The following WBP11 variants were observed in gnomAD, a reference collection of about 807,000 sequenced individuals.
WBP11 encodes the protein WW domain-binding protein 11.
A neutral mutation model predicts 66.7 loss-of-function variants in WBP11; 12 were observed. The observed-to-expected ratio is 0.18, with a 90% confidence interval of 0.12 to 0.29. WBP11 has a LOEUF of 0.29. Among genes scored for constraint, WBP11 ranks in the 10% least tolerant of loss-of-function variants. The probability of loss-of-function intolerance (pLI) is 1.00; values close to 1 mark genes in which losing one functional copy is unlikely to be tolerated. For synonymous variants in WBP11, 255 were observed against 273.8 expected (o/e 0.93, Z 0.68); for missense variants, 555 against 818.3 (o/e 0.68, Z 3.93).
chr12:14,801,822 G>A (rs868241063), intron 1 of WBP11: 59 of 114,390 alleles, frequency 5.2e-4, no homozygotes, highest in Middle Eastern at 8.3e-3. Context: ...ACATGTAATT[G>A]TAAAAGAAGA....
intron 8 of WBP11, 73 bp downstream of exon 8, chr12:14,793,654 GATTC>G: frequency 6.7e-7 from 1 of 1,490,012 alleles, no homozygotes; most frequent in Non-Finnish European, 9.1e-7. Context: ...TACTCTCACA[GATTC>G]ATTAATAAAT....
At chr12:14,799,967 C>G (rs1949939717) in intron 3 of WBP11, among the ~76,000 whole-genome samples, 1 of 152,150 alleles carries the variant, frequency 6.6e-6, no homozygotes, top group Admixed American at 6.5e-5. Context: ...AGATCTTTAG[C>G]AGTTACTTAA....
Position 14,793,729 on chromosome 12 carries a change from A to T in WBP11, c.913+2T>A. On this transcript the variant is annotated splice_donor_variant, in intron 8 of 11. Transcript: ENST00000261167. LOFTEE classifies it high-confidence loss of function. ...TACCATGAATCCTTCATCTGCACAT[A>T]CCTGACTTCTTTTCTTCATTGTTGT... 6.2e-7 allele frequency: 1 copy of T among 1,613,512 alleles called. No homozygotes were observed. Among genetic ancestry groups the T allele is most frequent in the Non-Finnish European group, 8.5e-7 (1 of 1,179,704 alleles).
Position 14,787,028 on chromosome 12 carries a change from T to C in WBP11, c.*37A>G, listed in dbSNP as rs374770833. 22 of 1,570,258 alleles carry C rather than the reference T, an allele frequency of 1.4e-5. No individual in the cohort carries two copies. Among genetic ancestry groups the C allele is most frequent in the Non-Finnish European group, 1.9e-5 (22 of 1,153,762 alleles). ...AAGAGCCTCTTTCTCCATGGGCCAC[T>C]GTTGTGAACAGAAGCCTTTTCTGGC... On this transcript the variant is annotated 3_prime_UTR_variant, in exon 12 of 12. Transcript: ENST00000261167.
intron 8 of WBP11, among the ~76,000 whole-genome samples, chr12:14,791,956 A>G (rs2137232336): frequency 6.6e-6 from 1 of 152,078 alleles, no homozygotes; most frequent in South Asian, 2.1e-4. Context: ...CCTAAGAATG[A>G]TACAATGGAC....
intron 10 of WBP11, among the ~76,000 whole-genome samples, chr12:14,789,418 A>G (rs1009372212): frequency 3.3e-5 from 5 of 151,620 alleles, no homozygotes; most frequent in African/African-American, 9.7e-5. Flanking sequence ...CCCCATCTCT[A>G]CTAAAAATAC....
At chr12:14,800,701 AG>A (rs1321018520) in intron 3 of WBP11, 50 bp downstream of exon 3, 1 of 1,485,650 alleles carries the variant, frequency 6.7e-7, no homozygotes, top group Non-Finnish European at 9.3e-7. Flanking sequence ...CCAAATCACA[AG>A]ATGTACCAAA....
chr12:14,791,198 G>C lies in WBP11; in HGVS notation c.986C>G (p.Pro329Arg). 1 of 1,614,116 alleles carries C rather than the reference G, an allele frequency of 6.2e-7. No homozygotes were observed. Among genetic ancestry groups the C allele is most frequent in the Non-Finnish European group, 8.5e-7 (1 of 1,180,012 alleles). ...CATACGAAGCATCATGGCTTGAAGA[G>C]GAGTCAGTTCCTTCATGTTCTTCTT... ...KKKKNMKELT[P>R]LQAMMLRMAG... The change falls in exon 9 of 12, where the codon CCT (proline) becomes CGT (arginine). Residue 329 changes from proline (P) to arginine (R), a missense_variant. Pro to Arg is a moderately radical substitution (Grantham distance 103, BLOSUM62 -2). This residue lies in a region of WBP11 where 5 missense variants were observed against 25.3 expected (regional missense o/e 0.20). Coordinates refer to ENST00000261167, the MANE Select transcript of WBP11 (RefSeq NM_016312.3).
intron 4 of WBP11, among the ~76,000 whole-genome samples, chr12:14,797,704 T>C (rs1394462479): frequency 1.3e-5 from 2 of 152,188 alleles, no homozygotes; most frequent in African/African-American, 4.8e-5. Flanking sequence ...GAACATTCCC[T>C]GAGATTTTAA....
chr12:14,801,376 C>T lies in WBP11; in HGVS notation c.8G>A (p.Arg3Gln). The T allele has an allele frequency of 1.2e-6, 2 of 1,608,758 alleles. No homozygotes were observed. Residue 3 changes from arginine to glutamine, a missense_variant, in exon 2 of 12, where the codon CGG becomes CAG. Transcript: ENST00000261167. ...ACTCTTGGTGGATGATGTAGATCTC[C>T]GTCCCATGTTGACAATTTGTATGGT... is the stretch of plus-strand genomic sequence containing the variant. The part of the protein sequence containing the change: MG[R>Q]RSTSSTKSGK...
Position 14,788,931 on chromosome 12 carries a change from A to T in WBP11, c.1492+20T>A. 1 of 1,366,680 alleles carries T rather than the reference A, an allele frequency of 7.3e-7. No individual in the cohort carries two copies. Among genetic ancestry groups the T allele is most frequent in the Non-Finnish European group, 9.6e-7 (1 of 1,043,040 alleles). The allele number at this position is 1,366,680 out of a possible 1,614,324, so 84.7% of individuals were successfully genotyped here. A position where few individuals can be genotyped will look rare whatever the true frequency, so the allele number is the denominator to read the frequency against. ...ATAAACAGCAGGCTAAGTTTTTATT[A>T]TAGAAATTGAAAGCATCACCTGGAG... On this transcript the variant is annotated intron_variant, in intron 11 of 11. Coordinates refer to ENST00000261167, the MANE Select transcript of WBP11 (RefSeq NM_016312.3).
chr12:14,803,433 G>A lies in WBP11; in HGVS notation c.-127C>T, dbSNP rs1209615091. 4 of 398,644 alleles carry A rather than the reference G, an allele frequency of 1.0e-5. No individual in the cohort carries two copies. Among genetic ancestry groups the A allele is most frequent in the African/African-American group, 8.2e-5 (4 of 48,628 alleles). 24.7% of individuals were successfully genotyped at this position (398,644 alleles called of 1,614,324 possible). On this transcript the variant is annotated 5_prime_UTR_variant, in exon 1 of 12. Coordinates refer to ENST00000261167, the MANE Select transcript of WBP11 (RefSeq NM_016312.3). ...TTTCACTTCGTAAAGGCCTTCAACT[G>A]GGTCTCTCGGTCAACCCCTCAGCTA...
chr12:14,800,899 G>T, intron 2 of WBP11, 116 bp from the exon 3 acceptor site: 1 of 838,422 alleles, frequency 1.2e-6, no homozygotes, highest in Non-Finnish European at 1.8e-6. Context: ...CACTGTAAAA[G>T]AGCAGCATCT....
rs1258988853 is a variant in WBP11 at position 14,789,077 on chromosome 12, G to A, written c.1366C>T (p.Arg456Ter). 2.0e-6 allele frequency: 3 copies of A among 1,518,130 alleles called. No individual in the cohort carries two copies. The highest frequency in any genetic ancestry group is 2.6e-6 in the Non-Finnish European group (3 of 1,146,600). The allele number at this position is 1,518,130 out of a possible 1,614,324, so 94.0% of individuals were successfully genotyped here. ...GGTGGTGGTCCTGGAGGTAAAAGTC[G>A]GGGTAAGGGCCCTCGGAGTCCTGGC... ...GMPGLRGPLP[R>*]LLPPGPPPGR... The change falls in exon 11 of 12, where the codon CGA becomes TGA. Residue 456 changes from arginine (R) to a stop codon, truncating the protein, a stop_gained. Coordinates refer to ENST00000261167, the MANE Select transcript of WBP11 (RefSeq NM_016312.3). LOFTEE classifies it high-confidence loss of function.
intron 4 of WBP11, 25 bp downstream of exon 4, chr12:14,799,610 T>A: frequency 6.2e-7 from 1 of 1,608,076 alleles, no homozygotes; most frequent in Non-Finnish European, 8.5e-7. Context: ...CAGACTGTTA[T>A]AGCTGCCTGT....
chr12:14,789,009 C>A lies in WBP11; in HGVS notation c.1434G>T (p.Leu478=). 1 of 1,487,062 alleles carries A rather than the reference C, an allele frequency of 6.7e-7. No individual in the cohort carries two copies. The highest frequency in any genetic ancestry group is 8.9e-7 in the Non-Finnish European group (1 of 1,127,714). The allele number at this position is 1,487,062 out of a possible 1,614,324, so 92.1% of individuals were successfully genotyped here. A position where few individuals can be genotyped will look rare whatever the true frequency, so the allele number is the denominator to read the frequency against. ...GTCCACGAGGAGGGGGACCAGGAGG[C>A]AGACCTGGAGGTGGACCTGGGGGAG... The part of the protein sequence containing the change: ...PGPPPGPPPG[L]PPGPPPRGPP... Residue 478 remains leucine, a synonymous_variant, in exon 11 of 12, where the codon CTG becomes CTT. Coordinates refer to ENST00000261167, the MANE Select transcript of WBP11 (RefSeq NM_016312.3).
chr12:14,798,875 CTA>C (rs1949925283), intron 4 of WBP11, among the ~76,000 whole-genome samples: 1 of 152,074 alleles, frequency 6.6e-6, no homozygotes, highest in South Asian at 2.1e-4. Context: ...GTTAACTAGA[CTA>C]TTTTATTTTC....
chr12:14,788,289 C>G (rs1174983938), intron 11 of WBP11, among the ~76,000 whole-genome samples: 1 of 152,166 alleles, frequency 6.6e-6, no homozygotes, highest in African/African-American at 2.4e-5. Context: ...TAATCACAAT[C>G]TGTCATCATT....
chr12:14,800,468 G>T (rs749171211), intron 3 of WBP11, among the ~76,000 whole-genome samples: 2 of 151,880 alleles, frequency 1.3e-5, no homozygotes, highest in Non-Finnish European at 2.9e-5. Flanking sequence ...CTTTAAAACA[G>T]TTATGTTTTA....
Sources: gnomAD v4.1 joint callset for allele counts (sites outside exome capture counted in the v4.1 genomes callset) on GRCh38, gnomAD v4.1.1 for gene constraint, gnomAD v4.1.1 regional missense constraint, MANE v1.5 for transcripts, NCBI Gene and HGNC (gene_info 2026-07-23, HGNC 2026-07-21) for gene names.